PAWR: variants seen among roughly 807,000 people sequenced by gnomAD.
PAWR encodes the protein PRKC apoptosis WT1 regulator protein.
Under a neutral mutation model 32.0 loss-of-function variants are expected in PAWR, and 23 were observed. The observed-to-expected ratio is 0.72, with a 90% CI of 0.52 to 1.02. The LOEUF (loss-of-function observed/expected upper bound fraction) is 1.02. PAWR is among the 50% of genes least tolerant of loss of function. The pLI is 0.00. For synonymous variants in PAWR, 226 were observed against 187.1 expected, an observed-to-expected ratio of 1.21 and a Z score of -1.70; for missense variants, 457 against 437.7, an observed-to-expected ratio of 1.04 and a Z score of -0.39.
chr12:79,614,009 T>A (rs1383819342), intron 3 of PAWR, among the ~76,000 whole-genome samples: 2 of 52,220 alleles, frequency 3.8e-5, no homozygotes, highest in African/African-American at 1.2e-4. Flanking sequence ...TTTTTTTTTT[T>A]TTTTTTTTTT....
chr12:79,605,308 A>G (rs535309147), intron 4 of PAWR, among the ~76,000 whole-genome samples: 5 of 152,132 alleles, frequency 3.3e-5, no homozygotes, highest in Non-Finnish European at 2.9e-5. Flanking sequence ...GAGATCAAAT[A>G]TATCTGGCTG....
intron 4 of PAWR, among the ~76,000 whole-genome samples, chr12:79,611,969 A>C (rs1349397424): frequency 6.6e-6 from 1 of 152,138 alleles, no homozygotes; most frequent in Non-Finnish European, 1.5e-5. Flanking sequence ...CTTTAAGACT[A>C]TTACTTGATA....
chr12:79,633,397 T>C (rs971856635), intron 2 of PAWR, among the ~76,000 whole-genome samples: 8 of 152,120 alleles, frequency 5.3e-5, no homozygotes, highest in Admixed American at 4.6e-4. Context: ...CTCAACATCA[T>C]GTCATTAGGG....
intron 2 of PAWR, among the ~76,000 whole-genome samples, chr12:79,680,368 C>T (rs923607077): frequency 5.9e-5 from 9 of 152,324 alleles, no homozygotes; most frequent in East Asian, 5.8e-4. Context: ...TACCATTTTA[C>T]AGTAATTCAC....
chr12:79,681,477 T>A (rs1040073848), intron 2 of PAWR, among the ~76,000 whole-genome samples: 4 of 151,992 alleles, frequency 2.6e-5, no homozygotes, highest in African/African-American at 9.7e-5. Flanking sequence ...AAAAGATACA[T>A]ACACATCCAC....
intron 2 of PAWR, among the ~76,000 whole-genome samples, chr12:79,668,755 G>A (rs1366068149): frequency 6.6e-6 from 1 of 152,166 alleles, no homozygotes; most frequent in African/African-American, 2.4e-5. Flanking sequence ...AGCTTTGCTC[G>A]CTTGCCCACT....
Position 79,585,414 on chromosome 12 carries a change from G to A in PAWR, c.*7193C>T. 1 of 199,790 alleles carries A rather than the reference G, an allele frequency of 5.0e-6. No individual in the cohort carries two copies. Among genetic ancestry groups the A allele is most frequent in the Admixed American group, 6.0e-5 (1 of 16,630 alleles). The allele number at this position is 199,790 out of a possible 1,614,324, so 12.4% of individuals were successfully genotyped here. On this transcript the variant is annotated 3_prime_UTR_variant, in exon 7 of 7. Coordinates refer to ENST00000328827, the MANE Select transcript of PAWR (RefSeq NM_002583.4). The stretch of plus-strand genomic sequence containing the variant: ...AGTGAAGTCAATGCTACTGGTGTCA[G>A]AAACACACTTTAAGAACCACTGGCA...
chr12:79,636,042 A>G (rs1875946518), intron 2 of PAWR, among the ~76,000 whole-genome samples: 1 of 152,180 alleles, frequency 6.6e-6, no homozygotes, highest in Non-Finnish European at 1.5e-5. Context: ...TGAACAAATG[A>G]GATAAAACAT....
At chr12:79,618,287 C>T (rs776100769) in intron 3 of PAWR, among the ~76,000 whole-genome samples, 2 of 152,060 alleles carry the variant, frequency 1.3e-5, no homozygotes, top group Non-Finnish European at 2.9e-5. Context: ...CACCACCATG[C>T]TCAGCTAATT....
chr12:79,616,339 T>C (rs981915896), intron 3 of PAWR, among the ~76,000 whole-genome samples: 3 of 152,080 alleles, frequency 2.0e-5, no homozygotes, highest in Non-Finnish European at 4.4e-5. Context: ...AGATTGCCTT[T>C]TACTGAAATG....
chr12:79,642,116 G>A (rs889604334), intron 2 of PAWR, among the ~76,000 whole-genome samples: 17 of 151,802 alleles, frequency 1.1e-4, no homozygotes, highest in African/African-American at 4.1e-4. Context: ...TATATAAAAA[G>A]GGAATAAAAG....
chr12:79,585,299 G>T lies in PAWR; in HGVS notation c.*7308C>A, dbSNP rs116497407. ...GGCCTGCATCAAAATTACATGAAGC[G>T]CTTGTTAAAACAGATTGAGCCCCAT... On this transcript the variant is annotated 3_prime_UTR_variant, in exon 7 of 7. Transcript: ENST00000328827. The T allele has an allele frequency of 3.8e-3, 1,158 of 302,598 alleles. 13 individuals are homozygous for T. The highest frequency in any genetic ancestry group is 0.024 in the African/African-American group (1,064 of 44,642). 18.7% of individuals were successfully genotyped at this position (302,598 alleles called of 1,614,324 possible).
intron 2 of PAWR, among the ~76,000 whole-genome samples, chr12:79,630,392 C>T (rs879754703): frequency 6.6e-5 from 10 of 151,806 alleles, no homozygotes; most frequent in African/African-American, 2.2e-4. Context: ...CTCTGCCTCC[C>T]GGGTTCAAGC....
At chr12:79,642,886 C>T (rs1463611326) in intron 2 of PAWR, among the ~76,000 whole-genome samples, 1 of 152,096 alleles carries the variant, frequency 6.6e-6, no homozygotes. Flanking sequence ...ACAGTAAAGT[C>T]ATTTCTACAT....
chr12:79,630,369 G>A (rs768879063), intron 2 of PAWR, among the ~76,000 whole-genome samples: 2 of 151,466 alleles, frequency 1.3e-5, no homozygotes, highest in African/African-American at 2.4e-5. Context: ...GTGTAATCTC[G>A]GCTCACTGCA....
intron 4 of PAWR, among the ~76,000 whole-genome samples, chr12:79,601,345 A>G (rs1873954574): frequency 6.6e-6 from 1 of 151,168 alleles, no homozygotes; most frequent in South Asian, 2.1e-4. Flanking sequence ...CCTCTGGAGT[A>G]GCTACATGTG....
chr12:79,603,375 G>T (rs879488160), intron 4 of PAWR, among the ~76,000 whole-genome samples: 1 of 151,916 alleles, frequency 6.6e-6, no homozygotes, highest in Non-Finnish European at 1.5e-5. Flanking sequence ...ACAGAGGAAG[G>T]TATCACTAAA....
At chr12:79,594,275 C>T (rs560974105) in intron 6 of PAWR, 54 bp downstream of exon 6, 5 of 658,504 alleles carry the variant, frequency 7.6e-6, no homozygotes, top group Middle Eastern at 2.5e-4. Flanking sequence ...TATATATTTT[C>T]ATCCAATTGC....
chr12:79,685,877 A>AT (rs1878657482), intron 2 of PAWR, among the ~76,000 whole-genome samples: 1 of 152,228 alleles, frequency 6.6e-6, no homozygotes, highest in Non-Finnish European at 1.5e-5. Context: ...CTTTCCCTAG[A>AT]TATATACATA....
Sources: gnomAD v4.1 joint callset for allele counts (sites outside exome capture counted in the v4.1 genomes callset) on GRCh38, gnomAD v4.1.1 for gene constraint, MANE v1.5 for transcripts, NCBI Gene and HGNC (gene_info 2026-07-23, HGNC 2026-07-21) for gene names.